Variants in EXOC4 observed in about 807,000 individuals in gnomAD.
EXOC4 encodes exocyst complex component 4.
In EXOC4, 71 loss-of-function variants were observed where a neutral mutation model predicts 107.2. The ratio of observed to expected loss-of-function variants is 0.66; its 90% CI spans 0.55 to 0.81. The LOEUF (loss-of-function observed/expected upper bound fraction) is 0.81. EXOC4 is among the 30% of genes least tolerant of loss of function. EXOC4 has a pLI of 0.00. For missense variants in EXOC4, 1,108 were observed against 1,189.6 expected (o/e 0.93, Z 1.01); for synonymous variants, 456 against 441.2 (o/e 1.03, Z -0.42).
intron 9 of EXOC4, among the ~76,000 whole-genome samples, chr7:133,536,691 TTCTCACATAGAAG>T (rs1408232557): frequency 6.6e-6 from 1 of 151,986 alleles, no homozygotes; most frequent in Admixed American, 6.6e-5. Context: ...AGAATTTTAT[TTCTCACATAGAAG>T]TGTGGGAGTC....
chr7:134,005,959 A>T (rs973805946), intron 16 of EXOC4, among the ~76,000 whole-genome samples: 1 of 152,168 alleles, frequency 6.6e-6, no homozygotes, highest in Admixed American at 6.5e-5. Flanking sequence ...CTGTTGGGGT[A>T]TATCTCTCAA....
At chr7:133,857,301 G>A (rs185834337) in intron 11 of EXOC4, among the ~76,000 whole-genome samples, 10 of 3,632 alleles carry the variant, frequency 2.8e-3, no homozygotes, top group East Asian at 9.8e-3. Flanking sequence ...ATATATACAC[G>A]TATATATATA....
At chr7:133,348,166 A>G (rs961511705) in intron 5 of EXOC4, among the ~76,000 whole-genome samples, 2 of 152,198 alleles carry the variant, frequency 1.3e-5, no homozygotes, top group African/African-American at 4.8e-5. Context: ...GTTTTGTGAT[A>G]TTAGACTAGT....
chr7:133,943,487 G>C (rs1351322958), intron 14 of EXOC4, among the ~76,000 whole-genome samples: 1 of 152,128 alleles, frequency 6.6e-6, no homozygotes, highest in East Asian at 1.9e-4. Context: ...ATATTAACCA[G>C]ATAATTACAG....
chr7:133,275,135 A>G lies in EXOC4; in HGVS notation c.240A>G (p.Thr80=), dbSNP rs1404980149. 7 of 1,607,118 alleles carry G rather than the reference A, an allele frequency of 4.4e-6. No homozygotes were observed. Among genetic ancestry groups the G allele is most frequent in the Non-Finnish European group, 5.9e-6 (7 of 1,176,598 alleles). The change falls in exon 2 of 18, where the codon ACA becomes ACG. Residue 80 remains threonine, a synonymous_variant. Coordinates refer to ENST00000253861, the MANE Select transcript of EXOC4 (RefSeq NM_021807.4). Reference sequence around the variant, plus strand: ...CCATTCGCACATACCAGAGCATCACAGAGCGCATCACTAACTCCCGAAATA... The same window carrying G: ...CCATTCGCACATACCAGAGCATCACGGAGCGCATCACTAACTCCCGAAATA... ...TTAIRTYQSI[T]ERITNSRNKI...
chr7:133,998,514 A>G (rs554303123), intron 15 of EXOC4, among the ~76,000 whole-genome samples: 1 of 152,186 alleles, frequency 6.6e-6, no homozygotes, highest in South Asian at 2.1e-4. Context: ...CTGAGACAAA[A>G]TCAAGCTTGG....
chr7:133,447,669 A>G (rs1798249785), intron 7 of EXOC4, among the ~76,000 whole-genome samples: 1 of 152,040 alleles, frequency 6.6e-6, no homozygotes, highest in African/African-American at 2.4e-5. Context: ...GAAAATAGAG[A>G]AAACTTATAA....
At chr7:133,483,814 TC>T (rs1384684275) in intron 9 of EXOC4, among the ~76,000 whole-genome samples, 1 of 152,206 alleles carries the variant, frequency 6.6e-6, no homozygotes, top group Non-Finnish European at 1.5e-5. Flanking sequence ...ATACCTGTCT[TC>T]CATTAAAAAC....
At chr7:133,509,825 G>A (rs1235254363) in intron 9 of EXOC4, among the ~76,000 whole-genome samples, 5 of 152,286 alleles carry the variant, frequency 3.3e-5, no homozygotes, top group South Asian at 2.1e-4. Context: ...AACCTACGAG[G>A]TGTTTTCACA....
intron 10 of EXOC4, among the ~76,000 whole-genome samples, chr7:133,747,715 T>G (rs1053300085): frequency 2.0e-5 from 3 of 152,138 alleles, no homozygotes; most frequent in Admixed American, 2.0e-4. Flanking sequence ...AAAGGTGATT[T>G]GAGCTGTTTT....
At chr7:133,407,100 G>T (rs1268971078) in intron 7 of EXOC4, among the ~76,000 whole-genome samples, 1 of 152,124 alleles carries the variant, frequency 6.6e-6, no homozygotes, top group Non-Finnish European at 1.5e-5. Flanking sequence ...ATCCTGCTGT[G>T]TCGGTTTAAT....
rs1430258926 is a variant in EXOC4 at position 133,579,885 on chromosome 7, A to G, written c.1418-50160A>G. On this transcript the variant is annotated intron_variant, in intron 9 of 17. Transcript: ENST00000253861. ...GTATTTTTAGTTGAGATGGGGTTTC[A>G]CCATGTTGGCCAGGATGGCCAGGAT... 5.4e-5 allele frequency among the ~76,000 whole-genome samples: 8 copies of G among 147,422 alleles called. No homozygotes were observed. The Admixed American group carries it at 5.4e-4, about 10-fold the overall frequency.
chr7:133,540,780 T>C (rs1450364258), intron 9 of EXOC4, among the ~76,000 whole-genome samples: 1 of 152,188 alleles, frequency 6.6e-6, no homozygotes, highest in Non-Finnish European at 1.5e-5. Context: ...AGCTAATAGC[T>C]TCCCATTATA....
intron 10 of EXOC4, among the ~76,000 whole-genome samples, chr7:133,793,847 AC>A (rs373301746): frequency 3.7e-4 from 5 of 13,396 alleles, no homozygotes; most frequent in South Asian, 6.8e-3. Flanking sequence ...TGTCACACAC[AC>A]AAAAAATAAA....
At chr7:133,564,276 G>A (rs1002205547) in intron 9 of EXOC4, among the ~76,000 whole-genome samples, 7 of 152,084 alleles carry the variant, frequency 4.6e-5, no homozygotes, top group Admixed American at 1.3e-4. Context: ...TTACATGGCC[G>A]GGGTAGAAGC....
chr7:133,964,845 A>G (rs1325015599), intron 14 of EXOC4, among the ~76,000 whole-genome samples: 1 of 152,212 alleles, frequency 6.6e-6, no homozygotes, highest in Non-Finnish European at 1.5e-5. Context: ...ATATCTACCC[A>G]GTAATGGAAT....
intron 10 of EXOC4, among the ~76,000 whole-genome samples, chr7:133,645,060 A>G (rs1802954633): frequency 7.0e-6 from 1 of 142,726 alleles, no homozygotes; most frequent in African/African-American, 2.6e-5. Context: ...CCTCAGCAAC[A>G]TCTTTTCTGG....
At chr7:133,514,258 C>T (rs550481885) in intron 9 of EXOC4, among the ~76,000 whole-genome samples, 7 of 151,988 alleles carry the variant, frequency 4.6e-5, no homozygotes, top group Non-Finnish European at 8.8e-5. Flanking sequence ...TCCACCTCCC[C>T]GGTTTAAGCG....
rs113143700 is a variant in EXOC4 at position 133,487,979 on chromosome 7, A to T, written c.1417+7841A>T. 1.6e-3 allele frequency among the ~76,000 whole-genome samples: 251 copies of T among 152,270 alleles called. 1 individual carries two copies. Among genetic ancestry groups the T allele is most frequent in the African/African-American group, 5.8e-3 (243 of 41,568 alleles). On this transcript the variant is annotated intron_variant, in intron 9 of 17. Coordinates refer to ENST00000253861, the MANE Select transcript of EXOC4 (RefSeq NM_021807.4). ...CTCATTATGAGTTAAGCCTTGTTAA[A>T]ATATGGAGAAGACCACAAACATTTA... is the stretch of plus-strand genomic sequence containing the variant.
Sources: gnomAD v4.1 joint callset for allele counts (sites outside exome capture counted in the v4.1 genomes callset) on GRCh38, gnomAD v4.1.1 for gene constraint, MANE v1.5 for transcripts, NCBI Gene and HGNC (gene_info 2026-07-23, HGNC 2026-07-21) for gene names.